NECTIN3: variants seen among roughly 807,000 people sequenced by gnomAD.
NECTIN3 encodes nectin-3.
In NECTIN3, 8 loss-of-function variants were observed where a neutral mutation model predicts 49.4. That is an observed-to-expected ratio of 0.16 (90% CI 0.10 to 0.29). The LOEUF is 0.29. Ranked by LOEUF, NECTIN3 falls within the 10% of genes least tolerant of loss-of-function variation. The pLI, the probability that NECTIN3 is intolerant of heterozygous loss-of-function variation, is 1.00. For synonymous variants in NECTIN3, 277 were observed against 241.1 expected, an observed-to-expected ratio of 1.15 and a Z score of -1.38; for missense variants, 581 against 654.6, an observed-to-expected ratio of 0.89 and a Z score of 1.23.
At chr3:111,127,316 C>G (rs1272610823) in intron 5 of NECTIN3, among the ~76,000 whole-genome samples, 1 of 152,154 alleles carries the variant, frequency 6.6e-6, no homozygotes, top group African/African-American at 2.4e-5. Flanking sequence ...ATTATATTGT[C>G]TTAGAGCACT....
chr3:111,161,464 C>A (rs1343515470), intron 7 of NECTIN3, among the ~76,000 whole-genome samples: 1 of 152,082 alleles, frequency 6.6e-6, no homozygotes, highest in Non-Finnish European at 1.5e-5. Context: ...AGCAGGGGTC[C>A]CCAACCCCCA....
chr3:111,100,082 A>G (rs2032815106), intron 1 of NECTIN3, among the ~76,000 whole-genome samples: 1 of 152,036 alleles, frequency 6.6e-6, no homozygotes, highest in Admixed American at 6.6e-5. Context: ...TTTAAGTCTC[A>G]TTCTTAGACC....
chr3:111,180,296 A>G (rs2035603642), intron 7 of NECTIN3, among the ~76,000 whole-genome samples: 1 of 152,226 alleles, frequency 6.6e-6, no homozygotes, highest in African/African-American at 2.4e-5. Flanking sequence ...AAGCTTACTC[A>G]TGAATGCTTG....
rs934597219 is a variant in NECTIN3 at position 111,134,664 on chromosome 3, A to G, written c.*449A>G. ...ATGACACTGCATCAAAATTGACTAT[A>G]AAACTAATTCAAGAAATATTTATAT... On this transcript the variant is annotated 3_prime_UTR_variant, in exon 6 of 6. Transcript: ENST00000485303. The G allele has an allele frequency of 2.8e-5, 24 of 860,318 alleles. No homozygotes were observed. Among genetic ancestry groups the G allele is most frequent in the Non-Finnish European group, 3.4e-5 (24 of 716,288 alleles). The allele number at this position is 860,318 out of a possible 1,614,324, so 53.3% of individuals were successfully genotyped here.
chr3:111,087,549 A>G (rs1333205069), intron 1 of NECTIN3, among the ~76,000 whole-genome samples: 1 of 152,050 alleles, frequency 6.6e-6, no homozygotes, highest in African/African-American at 2.4e-5. Flanking sequence ...GCTGCTTGGG[A>G]GGCTGAGGCA....
intron 1 of NECTIN3, among the ~76,000 whole-genome samples, chr3:111,096,750 C>T (rs1333929955): frequency 1.3e-5 from 2 of 152,316 alleles, no homozygotes; most frequent in African/African-American, 4.8e-5. Context: ...GCAGCTTCCA[C>T]GTGTTGTTGA....
intron 4 of NECTIN3, among the ~76,000 whole-genome samples, chr3:111,125,022 C>CTTTTTTTTTTTTTTTTTTTTTTT (rs869201432): frequency 1.1e-5 from 1 of 90,210 alleles, no homozygotes; most frequent in Non-Finnish European, 2.0e-5. Flanking sequence ...TCTTTTCTTT[C>CTTTTTTTTTTTTTTTTTTTTTTT]TTTTTTTTTT....
At chr3:111,162,255 T>C (rs990751826) in intron 7 of NECTIN3, among the ~76,000 whole-genome samples, 3 of 152,172 alleles carry the variant, frequency 2.0e-5, no homozygotes, top group African/African-American at 7.2e-5. Context: ...CTTATATCAT[T>C]GATATGGTTT....
intron 3 of NECTIN3, among the ~76,000 whole-genome samples, chr3:111,119,354 C>A (rs1366385296): frequency 6.6e-6 from 1 of 152,092 alleles, no homozygotes; most frequent in Admixed American, 6.6e-5. Flanking sequence ...TCTTGCTCTG[C>A]CGCCAGGCTG....
At chr3:111,137,637 G>T (rs1339099720), downstream of NECTIN3, 1 of 280,918 alleles carries the variant, frequency 3.6e-6, no homozygotes, top group Non-Finnish European at 5.3e-6. Flanking sequence ...GTATGTGCGT[G>T]TGTAACCTAG....
At chr3:111,094,508 T>G (rs2032472980) in intron 1 of NECTIN3, among the ~76,000 whole-genome samples, 1 of 152,162 alleles carries the variant, frequency 6.6e-6, no homozygotes, top group South Asian at 2.1e-4. Flanking sequence ...TACCCTCAGA[T>G]TCAGTAATTC....
intron 1 of NECTIN3, among the ~76,000 whole-genome samples, chr3:111,076,708 GC>G (rs1351014643): frequency 1.3e-5 from 2 of 152,058 alleles, no homozygotes; most frequent in East Asian, 3.8e-4. Context: ...AGTGGCTCAC[GC>G]CTGTAATCCC....
At chr3:111,132,988 G>C (rs2034447700) in intron 5 of NECTIN3, among the ~76,000 whole-genome samples, 1 of 151,240 alleles carries the variant, frequency 6.6e-6, no homozygotes, top group Admixed American at 6.6e-5. Context: ...CTAAATAATA[G>C]TGTTTACTAT....
Position 111,136,460 on chromosome 3 carries a change from A to G in NECTIN3, c.*2245A>G, listed in dbSNP as rs776008215. The G allele has an allele frequency of 7.1e-6, 7 of 984,202 alleles. No individual in the cohort carries two copies. The East Asian group carries it at 4.5e-4, about 64-fold the overall frequency. The allele number at this position is 984,202 out of a possible 1,614,324, so 61.0% of individuals were successfully genotyped here. On this transcript the variant is annotated 3_prime_UTR_variant, in exon 6 of 6. Transcript: ENST00000485303. The stretch of plus-strand genomic sequence containing the variant: ...CCTTAATCCAATCATTTGGCAAACT[A>G]AAAGGTTTCTGTGTTGTAAGAATCT...
chr3:111,133,738 G>A lies in NECTIN3; in HGVS notation c.1173G>A (p.Leu391=), dbSNP rs751591334. 1 of 1,613,858 alleles carries A rather than the reference G, an allele frequency of 6.2e-7. No individual in the cohort carries two copies. Among genetic ancestry groups the A allele is most frequent in the Non-Finnish European group, 8.5e-7 (1 of 1,179,850 alleles). The part of the protein sequence containing the change: ...ATEPKKLPFP[L]STLATIKDDT... ...AACCTAAAAAATTGCCCTTCCCATTGTCAACTTTGGCAACAATTAAGGATG... is the reference window on the plus strand; with the variant it reads ...AACCTAAAAAATTGCCCTTCCCATTATCAACTTTGGCAACAATTAAGGATG... The change falls in exon 6 of 6, where the codon TTG becomes TTA. Residue 391 remains leucine, a synonymous_variant. Transcript: ENST00000485303.
At chr3:111,193,497 A>G (rs1036767576) in intron 1 of NECTIN3, 13 of 1,152,756 alleles carry the variant, frequency 1.1e-5, no homozygotes, top group Non-Finnish European at 1.5e-5. Flanking sequence ...CTCTAAGGGT[A>G]TTGGAAGTCT....
At chr3:111,156,876 TCCA>T (rs1367538345) in intron 7 of NECTIN3, among the ~76,000 whole-genome samples, 1 of 152,210 alleles carries the variant, frequency 6.6e-6, no homozygotes, top group Non-Finnish European at 1.5e-5. Flanking sequence ...AAGATGTTCA[TCCA>T]CTTAGGTTTT....
intron 7 of NECTIN3, among the ~76,000 whole-genome samples, chr3:111,159,467 T>A (rs1037352682): frequency 1.9e-4 from 29 of 152,242 alleles, no homozygotes; most frequent in African/African-American, 6.5e-4. Flanking sequence ...AGTAATCCAC[T>A]ATATAGTTTT....
chr3:111,091,748 A>G (rs1379381891), intron 1 of NECTIN3, among the ~76,000 whole-genome samples: 2 of 152,216 alleles, frequency 1.3e-5, no homozygotes, highest in Admixed American at 6.5e-5. Context: ...ATTATAAATA[A>G]TGCTGCTGTA....
Sources: gnomAD v4.1 joint callset for allele counts (sites outside exome capture counted in the v4.1 genomes callset) on GRCh38, gnomAD v4.1.1 for gene constraint, MANE v1.5 for transcripts, NCBI Gene and HGNC (gene_info 2026-07-23, HGNC 2026-07-21) for gene names.